MYO3A: variants seen among roughly 807,000 people sequenced by gnomAD.
MYO3A encodes the protein myosin IIIA, also known as myosin-IIIa.
MYO3A carries 180 observed loss-of-function variants against 192.7 expected under a neutral mutation model. That is an observed-to-expected ratio of 0.93 (90% confidence interval 0.83 to 1.06). The LOEUF (loss-of-function observed/expected upper bound fraction) is 1.06. Among genes scored for constraint, MYO3A ranks in the 50% least tolerant of loss-of-function variants. The probability of loss-of-function intolerance (pLI) is 0.00; values close to 1 mark genes in which losing one functional copy is unlikely to be tolerated. For synonymous variants in MYO3A, 628 were observed against 645.3 expected (o/e 0.97, Z 0.41); for missense variants, 1,896 against 1,905.0 (o/e 1.00, Z 0.09).
intron 6 of MYO3A, among the ~76,000 whole-genome samples, chr10:25,997,462 T>C (rs1840526621): frequency 6.6e-6 from 1 of 152,210 alleles, no homozygotes; most frequent in Non-Finnish European, 1.5e-5. Context: ...GTCAGCTAGT[T>C]TGTGCTCATA....
intron 4 of MYO3A, among the ~76,000 whole-genome samples, chr10:25,991,479 T>C (rs1338631411): frequency 3.9e-5 from 6 of 152,180 alleles, no homozygotes; most frequent in African/African-American, 1.4e-4. Context: ...TTCACTCTGA[T>C]GGTAGTTTCT....
chr10:26,183,341 G>A (rs1842703829), intron 31 of MYO3A, among the ~76,000 whole-genome samples: 1 of 152,124 alleles, frequency 6.6e-6, no homozygotes, highest in South Asian at 2.1e-4. Flanking sequence ...TGGCTAACAA[G>A]GTGAAACCCG....
At chr10:26,093,344 C>T (rs560994699) in intron 15 of MYO3A, among the ~76,000 whole-genome samples, 4 of 152,218 alleles carry the variant, frequency 2.6e-5, no homozygotes, top group East Asian at 1.9e-4. Context: ...CTGTGCCAGT[C>T]GTAGAGAAGT....
At chr10:25,997,322 C>G in intron 6 of MYO3A, 64 bp downstream of exon 6, 1 of 1,258,858 alleles carries the variant, frequency 7.9e-7, no homozygotes, top group Admixed American at 1.7e-5. Flanking sequence ...ATGATTTGAT[C>G]TTTTTCGAAT....
chr10:25,956,444 C>T (rs1402194397), intron 4 of MYO3A, among the ~76,000 whole-genome samples: 1 of 150,874 alleles, frequency 6.6e-6, no homozygotes, highest in East Asian at 1.9e-4. Flanking sequence ...TCTCGAGCCT[C>T]AGCCTCACAA....
chr10:26,185,660 A>C (rs943803163), intron 31 of MYO3A, among the ~76,000 whole-genome samples: 9 of 151,960 alleles, frequency 5.9e-5, no homozygotes, highest in African/African-American at 2.2e-4. Flanking sequence ...TTATTATTTA[A>C]TGTAGTGTTT....
chr10:26,018,006 A>G (rs1187386336), intron 7 of MYO3A, among the ~76,000 whole-genome samples: 15 of 149,818 alleles, frequency 1.0e-4, no homozygotes. Flanking sequence ...ATAATATTAC[A>G]TATAATATCA....
chr10:26,186,030 CTT>C (rs372792591), intron 31 of MYO3A, among the ~76,000 whole-genome samples: 3 of 152,216 alleles, frequency 2.0e-5, no homozygotes, highest in African/African-American at 7.2e-5. Flanking sequence ...TAGATATTCT[CTT>C]TGTTTCCATT....
rs1053401894 is a variant in MYO3A at position 26,037,129 on chromosome 10, G to A, written c.953+10597G>A. 5.9e-5 allele frequency among the ~76,000 whole-genome samples: 9 copies of A among 152,282 alleles called. No individual in the cohort carries two copies. In the East Asian group the frequency reaches 1.5e-3, roughly 26 times the overall value. ...ACACCAATAACACCTATCTGGTAAA[G>A]GTGAGAGGATAAATGAAATGAAATA... On this transcript the variant is annotated intron_variant, in intron 10 of 34. Coordinates refer to ENST00000642920, the MANE Select transcript of MYO3A (RefSeq NM_017433.5).
chr10:26,030,487 A>G (rs559991389), intron 10 of MYO3A, among the ~76,000 whole-genome samples: 1 of 152,340 alleles, frequency 6.6e-6, no homozygotes, highest in Non-Finnish European at 1.5e-5. Context: ...TATTCACACT[A>G]GTCCCAAAGT....
intron 17 of MYO3A, among the ~76,000 whole-genome samples, chr10:26,097,798 T>C (rs1264913199): frequency 6.6e-6 from 1 of 152,226 alleles, no homozygotes; most frequent in Non-Finnish European, 1.5e-5. Flanking sequence ...GGTGGACATT[T>C]GGGTTGGTTC....
intron 19 of MYO3A, among the ~76,000 whole-genome samples, chr10:26,126,265 T>C (rs1370905200): frequency 1.3e-5 from 2 of 152,176 alleles, no homozygotes; most frequent in Non-Finnish European, 2.9e-5. Context: ...TCTAAAGCTT[T>C]GTTCTGTGAT....
chr10:25,977,132 A>G (rs1839009235), intron 4 of MYO3A, among the ~76,000 whole-genome samples: 1 of 152,222 alleles, frequency 6.6e-6, no homozygotes. Context: ...AGTTCATGGT[A>G]TGTTCATATC....
intron 33 of MYO3A, among the ~76,000 whole-genome samples, chr10:26,201,541 C>G (rs1057169064): frequency 6.6e-6 from 1 of 151,752 alleles, no homozygotes; most frequent in Admixed American, 6.6e-5. Context: ...AAAAAATTAG[C>G]CGGGCGTAGT....
At chr10:26,178,839 T>TGA (rs1249517684) in intron 31 of MYO3A, among the ~76,000 whole-genome samples, 122 of 151,734 alleles carry the variant, frequency 8.0e-4, no homozygotes, top group Non-Finnish European at 9.6e-4. Flanking sequence ...TCTTGCTCTG[T>TGA]CACCCAGGCT....
chr10:26,184,084 C>T (rs1021982308), intron 31 of MYO3A, among the ~76,000 whole-genome samples: 3 of 152,072 alleles, frequency 2.0e-5, no homozygotes, highest in African/African-American at 7.2e-5. Context: ...TGAACATGTC[C>T]GTCGGTGCTA....
intron 4 of MYO3A, among the ~76,000 whole-genome samples, chr10:25,976,724 T>C (rs961108273): frequency 1.3e-5 from 2 of 152,038 alleles, no homozygotes; most frequent in Non-Finnish European, 2.9e-5. Context: ...TTTTGTTTGA[T>C]TAAAGAACAC....
intron 6 of MYO3A, among the ~76,000 whole-genome samples, chr10:26,012,435 T>C (rs907635523): frequency 6.6e-6 from 1 of 152,170 alleles, no homozygotes; most frequent in African/African-American, 2.4e-5. Context: ...GTAGCCCTGC[T>C]ATACCCCAAA....
At chr10:26,004,059 G>A (rs533125512) in intron 6 of MYO3A, among the ~76,000 whole-genome samples, 23 of 152,252 alleles carry the variant, frequency 1.5e-4, no homozygotes, top group Non-Finnish European at 1.8e-4. Flanking sequence ...TAGAACAAAA[G>A]CCATTGGGTG....
Sources: gnomAD v4.1 joint callset for allele counts (sites outside exome capture counted in the v4.1 genomes callset) on GRCh38, gnomAD v4.1.1 for gene constraint, MANE v1.5 for transcripts, NCBI Gene and HGNC (gene_info 2026-07-23, HGNC 2026-07-21) for gene names.